Variants in AUTS2 observed in about 807,000 individuals in gnomAD.
AUTS2 encodes the protein autism susceptibility gene 2 protein.
AUTS2 carries 17 observed loss-of-function variants against 112.4 expected under a neutral mutation model. The ratio of observed to expected loss-of-function variants is 0.15; its 90% confidence interval spans 0.10 to 0.23. The LOEUF is 0.23. Ranked by LOEUF, AUTS2 falls within the 10% of genes least tolerant of loss-of-function variation. AUTS2 has a pLI of 1.00. For missense variants in AUTS2, 1,510 were observed against 1,701.6 expected, an observed-to-expected ratio of 0.89 and a Z score of 1.98; for synonymous variants, 751 against 702.7, an observed-to-expected ratio of 1.07 and a Z score of -1.09.
intron 1 of AUTS2, among the ~76,000 whole-genome samples, chr7:69,653,660 T>A (rs774395794): frequency 6.6e-6 from 1 of 151,412 alleles, no homozygotes; most frequent in Non-Finnish European, 1.5e-5. Flanking sequence ...TTTTTTTTCA[T>A]GCTCCTTGAG....
intron 1 of AUTS2, among the ~76,000 whole-genome samples, chr7:69,711,410 C>T (rs1359756193): frequency 6.6e-6 from 1 of 151,998 alleles, no homozygotes; most frequent in Non-Finnish European, 1.5e-5. Context: ...TTCCTTTTTT[C>T]CAGAGTCCCT....
chr7:69,835,369 A>G (rs1791676185), intron 1 of AUTS2, among the ~76,000 whole-genome samples: 1 of 152,180 alleles, frequency 6.6e-6, no homozygotes, highest in African/African-American at 2.4e-5. Flanking sequence ...TGTAGAAAAT[A>G]TCATAAATAG....
intron 1 of AUTS2, among the ~76,000 whole-genome samples, chr7:69,812,456 G>T (rs920385544): frequency 6.6e-6 from 1 of 152,108 alleles, no homozygotes; most frequent in African/African-American, 2.4e-5. Flanking sequence ...GGCACTAGAG[G>T]TGCCAAAGAT....
At chr7:70,277,205 G>A (rs1241278132) in intron 4 of AUTS2, among the ~76,000 whole-genome samples, 1 of 152,184 alleles carries the variant, frequency 6.6e-6, no homozygotes, top group African/African-American at 2.4e-5. Context: ...CTCTATAGAG[G>A]TATTAATTGA....
intron 1 of AUTS2, among the ~76,000 whole-genome samples, chr7:69,723,848 G>A (rs1227481151): frequency 6.6e-6 from 1 of 152,182 alleles, no homozygotes; most frequent in Non-Finnish European, 1.5e-5. Flanking sequence ...CGGTAGTTTA[G>A]TGAAATGGAT....
intron 1 of AUTS2, among the ~76,000 whole-genome samples, chr7:69,843,110 G>A (rs141818744): frequency 7.9e-4 from 120 of 152,268 alleles, no homozygotes; most frequent in Non-Finnish European, 7.6e-4. Flanking sequence ...CTGTCTGGAA[G>A]TAAGATAAAG....
chr7:69,793,129 C>T (rs1562886783), intron 1 of AUTS2, among the ~76,000 whole-genome samples: 1 of 152,242 alleles, frequency 6.6e-6, no homozygotes, highest in East Asian at 1.9e-4. Flanking sequence ...TTACAGATAG[C>T]AGGTTGGGAG....
At chr7:69,914,364 C>G (rs1442796107) in intron 2 of AUTS2, among the ~76,000 whole-genome samples, 3 of 145,878 alleles carry the variant, frequency 2.1e-5, no homozygotes, top group African/African-American at 8.1e-5. Flanking sequence ...CAGACACACA[C>G]ACACACACAC....
intron 5 of AUTS2, among the ~76,000 whole-genome samples, chr7:70,585,679 C>A (rs1174377570): frequency 6.6e-6 from 1 of 152,074 alleles, no homozygotes; most frequent in African/African-American, 2.4e-5. Flanking sequence ...TTAAAAGTAT[C>A]CGAGTTTGAA....
chr7:70,144,982 G>A (rs1807055383), intron 4 of AUTS2, among the ~76,000 whole-genome samples: 1 of 152,010 alleles, frequency 6.6e-6, no homozygotes, highest in Non-Finnish European at 1.5e-5. Context: ...TTTAACTTAT[G>A]TAGATTCTGT....
chr7:70,368,092 C>T (rs776417370), intron 4 of AUTS2, among the ~76,000 whole-genome samples: 4 of 152,184 alleles, frequency 2.6e-5, no homozygotes, highest in Middle Eastern at 3.4e-3. Context: ...GAATCACACT[C>T]GTGGAAGATC....
chr7:69,953,819 C>G (rs1797116555), intron 2 of AUTS2, among the ~76,000 whole-genome samples: 1 of 151,904 alleles, frequency 6.6e-6, no homozygotes, highest in Non-Finnish European at 1.5e-5. Context: ...AATATTAGTA[C>G]CCCCCCAACT....
chr7:69,901,335 A>G (rs1794962363), intron 2 of AUTS2, among the ~76,000 whole-genome samples: 1 of 151,768 alleles, frequency 6.6e-6, no homozygotes, highest in African/African-American at 2.4e-5. Context: ...ACTCTGAGTT[A>G]ACACCAAGCT....
At chr7:70,152,115 G>A (rs1210044795) in intron 4 of AUTS2, among the ~76,000 whole-genome samples, 1 of 152,110 alleles carries the variant, frequency 6.6e-6, no homozygotes, top group Admixed American at 6.6e-5. Context: ...TGAATTCATA[G>A]CAACAGAAAC....
At chr7:69,766,389 A>G (rs1428751503) in intron 1 of AUTS2, among the ~76,000 whole-genome samples, 1 of 152,206 alleles carries the variant, frequency 6.6e-6, no homozygotes, top group Admixed American at 6.5e-5. Flanking sequence ...TGGCTGTTAC[A>G]AATAATGCTG....
Position 70,787,226 on chromosome 7 carries a change from G to A in AUTS2, c.2326G>A (p.Gly776Ser), listed in dbSNP as rs747429714. Residue 776 changes from glycine to serine, a missense_variant, in exon 18 of 19, where the codon GGC (glycine) becomes AGC (serine). Coordinates refer to ENST00000342771, the MANE Select transcript of AUTS2 (RefSeq NM_015570.4). ...CATTTCAGCACCCAACTCAATGTTC[G>A]GCCACAAGGATGGCCCCAGTGTGCA... is the stretch of plus-strand genomic sequence containing the variant. Reference protein sequence around the residue: ...NPSVTPNSMFGHKDGPSVQNF... With the variant: ...NPSVTPNSMFSHKDGPSVQNF... 2.5e-5 allele frequency: 40 copies of A among 1,613,836 alleles called. No individual in the cohort carries two copies. The East Asian group carries it at 5.1e-4, about 21-fold the overall frequency.
At chr7:70,300,861 T>A (rs1010719544) in intron 4 of AUTS2, among the ~76,000 whole-genome samples, 2 of 152,174 alleles carry the variant, frequency 1.3e-5, no homozygotes, top group Non-Finnish European at 2.9e-5. Flanking sequence ...GCTAAACAAA[T>A]AAGTGAGATG....
At chr7:69,612,903 G>C (rs963110516) in intron 1 of AUTS2, among the ~76,000 whole-genome samples, 3 of 152,160 alleles carry the variant, frequency 2.0e-5, no homozygotes, top group African/African-American at 7.2e-5. Context: ...TAGGTACTCA[G>C]TCATTGCTTA....
rs188048240 is a variant in AUTS2, at chr7:70,744,977, A to G, written c.743-17893A>G. ...TCGCCCCTCCAGTTCCATTGCAGTG[A>G]TGCATTGCAGGCTCTCCTCAGGAAA... On this transcript the variant is annotated intron_variant, in intron 6 of 18. Coordinates refer to ENST00000342771, the MANE Select transcript of AUTS2 (RefSeq NM_015570.4). Among the ~76,000 whole-genome samples, 387 of 152,142 alleles carry G rather than the reference A, an allele frequency of 2.5e-3. 4 individuals are homozygous for G. The highest frequency in any genetic ancestry group is 8.8e-3 in the African/African-American group (366 of 41,512).
Sources: allele counts gnomAD v4.1 joint callset (sites outside exome capture counted in the v4.1 genomes callset), GRCh38; gene constraint gnomAD v4.1.1; transcripts MANE v1.5; gene names NCBI Gene and HGNC (gene_info 2026-07-23, HGNC 2026-07-21).